The following NSD2 variants were observed in gnomAD, a reference collection of about 807,000 sequenced individuals.
NSD2 encodes histone-lysine N-methyltransferase NSD2.
A neutral mutation model predicts 139.0 loss-of-function variants in NSD2; 12 were observed. That is an observed-to-expected ratio of 0.09 (90% CI 0.06 to 0.14). The LOEUF is 0.14. NSD2 is among the 10% of genes least tolerant of loss of function. The probability of loss-of-function intolerance (pLI) is 1.00; values close to 1 mark genes in which losing one functional copy is unlikely to be tolerated. For synonymous variants in NSD2, 669 were observed against 648.7 expected (o/e 1.03, Z -0.48); for missense variants, 1,155 against 1,745.0 (o/e 0.66, Z 6.02).
In NSD2 at chr4:1,955,281, G is replaced by C; in HGVS notation, c.2459G>C (p.Arg820Pro). The change falls in exon 13 of 22, where the codon CGG becomes CCG. Residue 820 changes from arginine (R) to proline (P), a missense_variant. Transcript: ENST00000508803. This position sits in a 1 kb window ranked among gnomAD's most constrained non-coding sequence, Gnocchi z 4.7. ...ATCTGCACTGCCCACTTCACTGCTCGGAAGGGGAAGCGACACCACGCCCAC... is the reference window on the plus strand; with the variant it reads ...ATCTGCACTGCCCACTTCACTGCTCCGAAGGGGAAGCGACACCACGCCCAC... Reference protein sequence around the residue: ...SIICTAHFTARKGKRHHAHVN... With the variant: ...SIICTAHFTAPKGKRHHAHVN... 6.2e-7 allele frequency: 1 copy of C among 1,614,106 alleles called. No homozygotes were observed. Among genetic ancestry groups the C allele is most frequent in the Non-Finnish European group, 8.5e-7 (1 of 1,180,014 alleles).
chr4:1,963,963 A>T (rs1441578950), intron 18 of NSD2, among the ~76,000 whole-genome samples: 1 of 152,226 alleles, frequency 6.6e-6, no homozygotes, highest in Non-Finnish European at 1.5e-5. Context: ...ATGTCAATAT[A>T]TTCCAGCCTG....
In NSD2 at chr4:1,972,774, G is replaced by T. The variant is rs1360032848; in HGVS notation, c.3373-2089G>T. Among the ~76,000 whole-genome samples, 1 of 152,362 alleles carries T rather than the reference G, an allele frequency of 6.6e-6. No homozygotes were observed. Among genetic ancestry groups the T allele is most frequent in the South Asian group, 2.1e-4 (1 of 4,832 alleles). On this transcript the variant is annotated intron_variant, in intron 18 of 21. Transcript: ENST00000508803. This position sits in a 1 kb window ranked among gnomAD's most constrained non-coding sequence, Gnocchi z 4.0. ...AAAGGGTAAAATAGTTGCATAAGGCGGAGGCAGCTTTGTGAGAAAAGACAT... is the reference window on the plus strand; with the variant it reads ...AAAGGGTAAAATAGTTGCATAAGGCTGAGGCAGCTTTGTGAGAAAAGACAT...
chr4:1,966,612 G>A (rs917555096), intron 18 of NSD2, among the ~76,000 whole-genome samples: 12 of 150,354 alleles, frequency 8.0e-5, no homozygotes, highest in African/African-American at 2.2e-4. Context: ...AGCCAAGATC[G>A]TGCCAGTGCA....
intron 6 of NSD2, among the ~76,000 whole-genome samples, chr4:1,934,847 TAAAAAAAAAAAAAAAA>T (rs34096276): frequency 2.4e-4 from 5 of 20,712 alleles, no homozygotes; most frequent in African/African-American, 9.6e-4. Flanking sequence ...GACTCCATCT[TAAAAAAAAAAAAAAAA>T]AAAAAAAAAA....
intron 18 of NSD2, among the ~76,000 whole-genome samples, chr4:1,968,577 GA>G (rs1206838619): frequency 6.6e-6 from 1 of 152,172 alleles, no homozygotes; most frequent in Non-Finnish European, 1.5e-5. Flanking sequence ...CAATTTAGTA[GA>G]ACCTGCGGGA....
chr4:1,906,096 G>A (rs924123070), intron 3 of NSD2, among the ~76,000 whole-genome samples: 1 of 152,138 alleles, frequency 6.6e-6, no homozygotes, highest in African/African-American at 2.4e-5. Flanking sequence ...TGGCACACAA[G>A]CAGCTCTTAC....
chr4:1,926,823 C>T (rs1720971334), intron 5 of NSD2, among the ~76,000 whole-genome samples: 1 of 152,180 alleles, frequency 6.6e-6, no homozygotes, highest in South Asian at 2.1e-4. Flanking sequence ...AATTTTTACA[C>T]ATCCATTAGA....
chr4:1,945,110 C>A, intron 9 of NSD2: 1 of 1,066,560 alleles, frequency 9.4e-7, no homozygotes, highest in Non-Finnish European at 1.1e-6. Flanking sequence ...CTTAGAGGAT[C>A]TCCGAGAGGT....
At chr4:1,894,981 C>T (rs1198466495) in intron 1 of NSD2, among the ~76,000 whole-genome samples, 2 of 152,148 alleles carry the variant, frequency 1.3e-5, no homozygotes, top group East Asian at 1.9e-4. Flanking sequence ...CATTCTACTT[C>T]CTGTCTCTAT....
At chr4:1,916,638 G>A (rs1719440125) in intron 3 of NSD2, among the ~76,000 whole-genome samples, 1 of 152,202 alleles carries the variant, frequency 6.6e-6, no homozygotes, top group African/African-American at 2.4e-5. Flanking sequence ...GACTGCGCCT[G>A]GCCTGGTTGG....
intron 7 of NSD2, among the ~76,000 whole-genome samples, chr4:1,937,644 C>T (rs1432753848): frequency 6.6e-6 from 1 of 152,170 alleles, no homozygotes; most frequent in Non-Finnish European, 1.5e-5. Flanking sequence ...TAGGCACTGT[C>T]CCAAGTGCAT....
At position 1,958,740 on chromosome 4, in the gene NSD2, T is replaced by C. The variant is rs992344927; in HGVS notation, c.2985+704T>C. Among the ~76,000 whole-genome samples the C allele has an allele frequency of 1.3e-5, 2 of 152,250 alleles. No homozygotes were observed. The highest frequency in any genetic ancestry group is 2.9e-5 in the Non-Finnish European group (2 of 68,044). On this transcript the variant is annotated intron_variant, in intron 16 of 21. Coordinates refer to ENST00000508803, the MANE Select transcript of NSD2 (RefSeq NM_001042424.3). The surrounding 1 kb of genome is among the most constrained non-coding windows in gnomAD (Gnocchi z 4.6). ...ATTCATCTTTATATAATATTTTCTT[T>C]GGGATGGATTCCCAGAAACAGAATC...
In NSD2 at chr4:1,900,985, C is replaced by A. The variant is rs541714722; in HGVS notation, c.331C>A (p.Pro111Thr). The A allele has an allele frequency of 2.4e-5, 38 of 1,614,190 alleles. No homozygotes were observed. In the South Asian group the frequency reaches 4.0e-4, roughly 17 times the overall value. Reference protein sequence around the residue: ...ESQEMKGIGTPPNTTPIKNGS... With the variant: ...ESQEMKGIGTTPNTTPIKNGS... ...CCAGGAAATGAAAGGGATTGGGACACCCCCTAACACTACCCCTATCAAAAA... is the reference window on the plus strand; with the variant it reads ...CCAGGAAATGAAAGGGATTGGGACAACCCCTAACACTACCCCTATCAAAAA... The change falls in exon 2 of 22, where the codon CCC becomes ACC. Residue 111 changes from proline to threonine, a missense_variant. Pro to Thr is a conservative substitution (Grantham distance 38). Transcript: ENST00000508803.
At chr4:1,967,732 G>A (rs906647615) in intron 18 of NSD2, among the ~76,000 whole-genome samples, 2 of 152,200 alleles carry the variant, frequency 1.3e-5, no homozygotes, top group Admixed American at 1.3e-4. Flanking sequence ...TGCCAGAGAA[G>A]AAAGGCTTTC....
At chr4:1,946,823 G>A (rs1723683560) in intron 9 of NSD2, 4 of 1,056,094 alleles carry the variant, frequency 3.8e-6, no homozygotes, top group Non-Finnish European at 4.6e-6. Context: ...ACAGCAGGGT[G>A]TCTCTCCAAC....
chr4:1,916,144 G>A (rs914403398), intron 3 of NSD2, among the ~76,000 whole-genome samples: 9 of 152,034 alleles, frequency 5.9e-5, no homozygotes, highest in Non-Finnish European at 2.9e-5. Flanking sequence ...CTCTAGCACT[G>A]TGAGATAGGG....
chr4:1,924,390 G>T lies in NSD2; in HGVS notation c.1410+5767G>T, dbSNP rs189200553. ...GGGAACCGCCCCGTCAGCCACTCTG[G>T]TATGTTGCTCGGCTGTGTCTCTACA... On this transcript the variant is annotated intron_variant, in intron 5 of 21. Transcript: ENST00000508803. Among the ~76,000 whole-genome samples the T allele has an allele frequency of 1.2e-3, 189 of 152,106 alleles. 1 individual carries two copies. The highest frequency in any genetic ancestry group is 2.3e-3 in the Non-Finnish European group (158 of 67,998).
intron 1 of NSD2, among the ~76,000 whole-genome samples, chr4:1,874,263 A>G (rs1714088604): frequency 6.6e-6 from 1 of 152,102 alleles, no homozygotes; most frequent in Non-Finnish European, 1.5e-5. Flanking sequence ...GCTTGATTGT[A>G]GTAAGTGTGA....
chr4:1,934,895 A>G lies in NSD2; in HGVS notation c.1556-249A>G, dbSNP rs1359070840. On this transcript the variant is annotated intron_variant, in intron 6 of 21. Transcript: ENST00000508803. The stretch of plus-strand genomic sequence containing the variant: ...AAAAAAAAAATATATATATATATAT[A>G]TATATATATATATAAAAAACAGATA... Among the ~76,000 whole-genome samples the G allele has an allele frequency of 7.7e-5, 10 of 129,616 alleles. No homozygotes were observed. The East Asian group carries it at 2.1e-3, about 27-fold the overall frequency. 85.0% of individuals were successfully genotyped at this position (129,616 alleles called of 152,430 possible). A position where few individuals can be genotyped will look rare whatever the true frequency, so the allele number is the denominator to read the frequency against.
Sources: allele counts gnomAD v4.1 joint callset (sites outside exome capture counted in the v4.1 genomes callset), GRCh38; gene constraint gnomAD v4.1.1; non-coding constraint Gnocchi (gnomAD v3.1); transcripts MANE v1.5; gene names NCBI Gene and HGNC (gene_info 2026-07-23, HGNC 2026-07-21).